The following UST variants were observed in gnomAD, a reference collection of about 807,000 sequenced individuals.
The protein encoded by UST is chondroitin sulfate 2-O-sulfotransferase.
UST carries 21 observed loss-of-function variants against 45.6 expected under a neutral mutation model. The ratio of observed to expected loss-of-function variants is 0.46; its 90% CI spans 0.33 to 0.66. The LOEUF (loss-of-function observed/expected upper bound fraction) is 0.66, where lower values mean the gene tolerates loss of function less well. Among genes scored for constraint, UST ranks in the 30% least tolerant of loss-of-function variants. The pLI is 0.02. For missense variants in UST, 463 were observed against 512.4 expected, an observed-to-expected ratio of 0.90 and a Z score of 0.93; for synonymous variants, 215 against 200.6, an observed-to-expected ratio of 1.07 and a Z score of -0.61.
intron 7 of UST, among the ~76,000 whole-genome samples, chr6:149,056,717 G>A (rs1383130476): frequency 6.6e-6 from 1 of 152,208 alleles, no homozygotes; most frequent in African/African-American, 2.4e-5. Flanking sequence ...AGTACTACCA[G>A]TGGGCTACAG....
At chr6:148,851,261 T>C (rs1778098695) in intron 1 of UST, among the ~76,000 whole-genome samples, 1 of 152,094 alleles carries the variant, frequency 6.6e-6, no homozygotes, top group South Asian at 2.1e-4. Context: ...TTAAGAAGTA[T>C]GTATAATATA....
At position 148,781,360 on chromosome 6, in the gene UST, C is replaced by T. The variant is rs149622572; in HGVS notation, c.247+33683C>T. ...GAAGGTCAAACCAGCCACAACATTGCGTTAAGCCAAAGCCTGATCCTGAGC... is the reference window on the plus strand; with the variant it reads ...GAAGGTCAAACCAGCCACAACATTGTGTTAAGCCAAAGCCTGATCCTGAGC... On this transcript the variant is annotated intron_variant, in intron 1 of 7. Transcript: ENST00000367463. 2.5e-3 allele frequency among the ~76,000 whole-genome samples: 385 copies of T among 152,248 alleles called. 1 individual carries two copies. The highest frequency in any genetic ancestry group is 8.6e-3 in the African/African-American group (357 of 41,544).
At chr6:148,954,184 A>G (rs892519987) in intron 4 of UST, among the ~76,000 whole-genome samples, 2 of 152,224 alleles carry the variant, frequency 1.3e-5, no homozygotes, top group African/African-American at 2.4e-5. Flanking sequence ...ATGAGAAGCC[A>G]TTTGACCTAA....
intron 2 of UST, among the ~76,000 whole-genome samples, chr6:148,924,995 A>G (rs577692377): frequency 1.5e-4 from 23 of 152,254 alleles, no homozygotes; most frequent in East Asian, 1.9e-4. Flanking sequence ...ATTCATGTTT[A>G]TGTTGAATTC....
At chr6:149,005,222 G>A (rs1781624772) in intron 5 of UST, 1 of 905,064 alleles carries the variant, frequency 1.1e-6, no homozygotes. Flanking sequence ...TGCCCATCCA[G>A]CACCTCCCCA....
chr6:148,838,626 G>A (rs1342632708), intron 1 of UST, among the ~76,000 whole-genome samples: 2 of 152,120 alleles, frequency 1.3e-5, no homozygotes, highest in Non-Finnish European at 1.5e-5. Context: ...CAGGCATGGT[G>A]GCTCAAGCCT....
chr6:148,917,878 G>A (rs1043020310), intron 2 of UST, among the ~76,000 whole-genome samples: 7 of 151,876 alleles, frequency 4.6e-5, no homozygotes, highest in African/African-American at 1.7e-4. Context: ...GATCCGCCAG[G>A]TAGACCGTGG....
rs373002445 is a variant in UST, at chr6:149,012,941, T to C, written c.682-6198T>C. 5.3e-5 allele frequency among the ~76,000 whole-genome samples: 8 copies of C among 152,168 alleles called. No homozygotes were observed. The East Asian group carries it at 1.2e-3, about 22-fold the overall frequency. On this transcript the variant is annotated intron_variant, in intron 5 of 7. Coordinates refer to ENST00000367463, the MANE Select transcript of UST (RefSeq NM_005715.3). The stretch of plus-strand genomic sequence containing the variant: ...ACAGGTGAGTGGCAGGTAAAGTAAC[T>C]GGTATAAATGATTTCTAATCTTAGC...
chr6:148,896,238 C>T (rs1779126724), intron 2 of UST, among the ~76,000 whole-genome samples: 1 of 152,178 alleles, frequency 6.6e-6, no homozygotes, highest in South Asian at 2.1e-4. Context: ...GAGTAGATTT[C>T]AGAGAAAAAT....
chr6:148,909,243 G>C (rs932305642), intron 2 of UST, among the ~76,000 whole-genome samples: 4 of 152,186 alleles, frequency 2.6e-5, no homozygotes, highest in Admixed American at 6.5e-5. Context: ...AAAGAGCACT[G>C]ATCTTTAATG....
At chr6:148,757,685 A>G (rs1776123811) in intron 1 of UST, among the ~76,000 whole-genome samples, 1 of 152,208 alleles carries the variant, frequency 6.6e-6, no homozygotes, top group South Asian at 2.1e-4. Flanking sequence ...ACTGTACTGC[A>G]TTTCTGGAAA....
chr6:148,766,537 T>TTGTA (rs1370688880), intron 1 of UST, among the ~76,000 whole-genome samples: 1 of 152,188 alleles, frequency 6.6e-6, no homozygotes, highest in African/African-American at 2.4e-5. Flanking sequence ...TGGGGCTGTG[T>TTGTA]TGTACCTGGA....
intron 1 of UST, among the ~76,000 whole-genome samples, chr6:148,773,611 T>C (rs752823321): frequency 6.6e-6 from 1 of 152,230 alleles, no homozygotes; most frequent in Non-Finnish European, 1.5e-5. Flanking sequence ...TTTCTTTTAG[T>C]ACACAGGGAA....
intron 7 of UST, among the ~76,000 whole-genome samples, chr6:149,044,565 G>A (rs1487741331): frequency 2.6e-5 from 4 of 152,168 alleles, no homozygotes; most frequent in African/African-American, 9.7e-5. Flanking sequence ...CGGTGGGAAT[G>A]TTATTCAGAT....
At chr6:148,813,718 G>A (rs374665103) in intron 1 of UST, among the ~76,000 whole-genome samples, 29 of 152,250 alleles carry the variant, frequency 1.9e-4, no homozygotes, top group African/African-American at 6.3e-4. Flanking sequence ...TGACCATTAC[G>A]AAATAGAATG....
chr6:149,025,501 A>G (rs1394588373), intron 7 of UST, among the ~76,000 whole-genome samples: 1 of 152,206 alleles, frequency 6.6e-6, no homozygotes, highest in Non-Finnish European at 1.5e-5. Flanking sequence ...TAGGACAAGT[A>G]CTGTGGAGTG....
intron 1 of UST, among the ~76,000 whole-genome samples, chr6:148,813,931 C>G (rs1005291175): frequency 6.6e-6 from 1 of 151,934 alleles, no homozygotes; most frequent in Non-Finnish European, 1.5e-5. Flanking sequence ...GAGTCCACAC[C>G]CCCCCTTTGC....
intron 1 of UST, among the ~76,000 whole-genome samples, chr6:148,849,811 C>G (rs1478118376): frequency 6.6e-6 from 1 of 152,164 alleles, no homozygotes; most frequent in African/African-American, 2.4e-5. Context: ...TATTACAATT[C>G]AAAGTGAGAT....
chr6:148,926,592 G>T (rs569758805), intron 2 of UST, among the ~76,000 whole-genome samples: 3 of 152,230 alleles, frequency 2.0e-5, no homozygotes, highest in Admixed American at 1.3e-4. Context: ...AACTCTAGGC[G>T]TGGTGTCTGT....
Sources: gnomAD v4.1 joint callset for allele counts (sites outside exome capture counted in the v4.1 genomes callset) on GRCh38, gnomAD v4.1.1 for gene constraint, MANE v1.5 for transcripts, NCBI Gene and HGNC (gene_info 2026-07-23, HGNC 2026-07-21) for gene names.